Variants in SNX29 observed in about 807,000 individuals in gnomAD.
SNX29 encodes sorting nexin 29.
In SNX29, 78 loss-of-function variants were observed where a neutral mutation model predicts 102.1. The observed-to-expected ratio is 0.76, with a 90% confidence interval of 0.64 to 0.92. The LOEUF is 0.92. Ranked by LOEUF, SNX29 falls within the 40% of genes least tolerant of loss-of-function variation. SNX29 has a pLI of 0.00. For missense variants in SNX29, 1,280 were observed against 1,061.7 expected (o/e 1.21, Z -2.86); for synonymous variants, 580 against 414.5 (o/e 1.40, Z -4.85).
At chr16:12,068,925 C>T in intron 9 of SNX29, 132 bp from the exon 10 acceptor site, 2 of 745,894 alleles carry the variant, frequency 2.7e-6, no homozygotes, top group East Asian at 2.6e-5. Flanking sequence ...ATCCAGCTTG[C>T]AGGAGAGATG....
chr16:12,554,699 A>G (rs529922906), intron 20 of SNX29, among the ~76,000 whole-genome samples: 2 of 152,098 alleles, frequency 1.3e-5, no homozygotes, highest in South Asian at 2.1e-4. Context: ...ATCCCTGCCC[A>G]TGCCTGGTGA....
intron 1 of SNX29, chr16:11,983,740 C>A: frequency 1.0e-6 from 1 of 981,398 alleles, no homozygotes; most frequent in African/African-American, 1.7e-5. Context: ...ATGCTTAGAG[C>A]TCTTAAAATT....
chr16:12,386,380 C>T (rs1485467724), intron 16 of SNX29, among the ~76,000 whole-genome samples: 4 of 152,300 alleles, frequency 2.6e-5, no homozygotes, highest in Non-Finnish European at 5.9e-5. Flanking sequence ...CTGGAATTAC[C>T]ATATTCTTTC....
In SNX29 at chr16:12,572,455, C is replaced by T. The variant is rs148114457; in HGVS notation, c.*3826C>T. The T allele has an allele frequency of 1.4e-4, 151 of 1,063,426 alleles. No homozygotes were observed. The highest frequency in any genetic ancestry group is 2.0e-4 in the African/African-American group (12 of 61,058). 65.9% of individuals were successfully genotyped at this position (1,063,426 alleles called of 1,614,324 possible). A position where few individuals can be genotyped will look rare whatever the true frequency, so the allele number is the denominator to read the frequency against. ...CTGCCTCTCTTGGTTCTGCATGGTACATTTTGCCAACCCTGAGGACCAGTT... is the reference window on the plus strand; with the variant it reads ...CTGCCTCTCTTGGTTCTGCATGGTATATTTTGCCAACCCTGAGGACCAGTT... On this transcript the variant is annotated 3_prime_UTR_variant, in exon 21 of 21. Transcript: ENST00000566228.
intron 19 of SNX29, among the ~76,000 whole-genome samples, chr16:12,489,993 A>T (rs775119583): frequency 6.6e-6 from 1 of 152,068 alleles, no homozygotes; most frequent in East Asian, 1.9e-4. Flanking sequence ...TTTAGTAGAG[A>T]TGGGGTTTCT....
chr16:12,479,254 T>A (rs1270316751), intron 19 of SNX29, among the ~76,000 whole-genome samples: 1 of 152,226 alleles, frequency 6.6e-6, no homozygotes, highest in African/African-American at 2.4e-5. Context: ...ATGTGGCAGA[T>A]GCCATATGGG....
chr16:12,567,921 C>T (rs973403420), intron 20 of SNX29, among the ~76,000 whole-genome samples: 2 of 152,206 alleles, frequency 1.3e-5, no homozygotes, highest in South Asian at 4.1e-4. Flanking sequence ...CCCACACACG[C>T]TGTGTGTTCG....
chr16:12,350,508 G>A (rs937964440), intron 15 of SNX29, among the ~76,000 whole-genome samples: 5 of 152,110 alleles, frequency 3.3e-5, no homozygotes, highest in African/African-American at 9.7e-5. Context: ...CACCCATACC[G>A]AGGGATGACT....
chr16:12,167,602 T>C (rs1180246738), intron 13 of SNX29, among the ~76,000 whole-genome samples: 1 of 152,212 alleles, frequency 6.6e-6, no homozygotes, highest in Non-Finnish European at 1.5e-5. Flanking sequence ...TTATGATGAC[T>C]GCAGCTCACA....
At chr16:12,022,036 C>G (rs1205010565) in intron 3 of SNX29, among the ~76,000 whole-genome samples, 2 of 151,122 alleles carry the variant, frequency 1.3e-5, no homozygotes, top group Non-Finnish European at 2.9e-5. Flanking sequence ...ACTTCATTTT[C>G]CATTCACAAC....
intron 14 of SNX29, among the ~76,000 whole-genome samples, chr16:12,271,947 A>G (rs1163093665): frequency 6.6e-6 from 1 of 152,168 alleles, no homozygotes; most frequent in Non-Finnish European, 1.5e-5. Context: ...GAAGCTGCTT[A>G]CTGATGGGAA....
At chr16:12,446,020 G>T (rs1316232599) in intron 18 of SNX29, among the ~76,000 whole-genome samples, 1 of 150,944 alleles carries the variant, frequency 6.6e-6, no homozygotes, top group African/African-American at 2.4e-5. Context: ...GCTCCTGGAC[G>T]TGCAGTTGAA....
chr16:12,186,277 C>G (rs2076507340), intron 13 of SNX29, among the ~76,000 whole-genome samples: 1 of 152,032 alleles, frequency 6.6e-6, no homozygotes, highest in Admixed American at 6.5e-5. Flanking sequence ...TCAAGAATTG[C>G]AGGGACAAAA....
intron 16 of SNX29, among the ~76,000 whole-genome samples, chr16:12,388,331 T>C (rs757508113): frequency 8.5e-5 from 13 of 152,308 alleles, no homozygotes; most frequent in Non-Finnish European, 1.8e-4. Context: ...AAGAATTACA[T>C]GAGTGGGTAC....
Position 12,403,947 on chromosome 16 carries a change from A to T in SNX29, c.2037+418A>T, listed in dbSNP as rs565747991. 2.0e-5 allele frequency among the ~76,000 whole-genome samples: 3 copies of T among 152,156 alleles called. No homozygotes were observed. The East Asian group carries it at 5.8e-4, about 30-fold the overall frequency. On this transcript the variant is annotated intron_variant, in intron 18 of 20. Transcript: ENST00000566228. ...GGCCAGCTGTCCGTGGGTTGACAGG[A>T]TGACCCCAGCAGCGCCAGGTTCTCA...
intron 20 of SNX29, among the ~76,000 whole-genome samples, chr16:12,532,560 C>A (rs1051803530): frequency 6.6e-6 from 1 of 152,162 alleles, no homozygotes; most frequent in African/African-American, 2.4e-5. Flanking sequence ...TAAGAACTTG[C>A]AGGAATTCTG....
intron 10 of SNX29, among the ~76,000 whole-genome samples, chr16:12,075,278 T>C (rs1209201358): frequency 6.6e-6 from 1 of 152,200 alleles, no homozygotes; most frequent in East Asian, 1.9e-4. Context: ...CTCTGTTTTT[T>C]CCCCATCTTT....
Position 12,461,986 on chromosome 16 carries a change from T to A in SNX29, c.2038-15733T>A, listed in dbSNP as rs1438613587. On this transcript the variant is annotated intron_variant, in intron 18 of 20. Coordinates refer to ENST00000566228, the MANE Select transcript of SNX29 (RefSeq NM_032167.5). ...AAAAAAAAAAAAAAAAAAATATATA[T>A]ATATATATATATATATATATATATA... Among the ~76,000 whole-genome samples the A allele has an allele frequency of 7.6e-3, 413 of 54,376 alleles. 6 individuals are homozygous for A. The highest frequency in any genetic ancestry group is 0.031 in the African/African-American group (248 of 7,976). 35.7% of individuals were successfully genotyped at this position (54,376 alleles called of 152,430 possible). A position where few individuals can be genotyped will look rare whatever the true frequency, so the allele number is the denominator to read the frequency against.
chr16:12,031,441 C>G (rs901628160), intron 4 of SNX29, among the ~76,000 whole-genome samples: 6 of 151,978 alleles, frequency 3.9e-5, no homozygotes, highest in African/African-American at 1.4e-4. Context: ...GCAGTTCTTT[C>G]CCTTCTGCTA....
Sources: gnomAD v4.1 joint callset for allele counts (sites outside exome capture counted in the v4.1 genomes callset) on GRCh38, gnomAD v4.1.1 for gene constraint, MANE v1.5 for transcripts, NCBI Gene and HGNC (gene_info 2026-07-23, HGNC 2026-07-21) for gene names.